CBFA2T3: variants seen among roughly 807,000 people sequenced by gnomAD.
CBFA2T3 encodes the protein transcriptional corepressor CBFA2T3.
In CBFA2T3, 31 loss-of-function variants were observed where a neutral mutation model predicts 58.6. That is an observed-to-expected ratio of 0.53 (90% CI 0.40 to 0.71). The LOEUF (loss-of-function observed/expected upper bound fraction) is 0.71. CBFA2T3 is among the 30% of genes least tolerant of loss of function. The pLI, the probability that CBFA2T3 is intolerant of heterozygous loss-of-function variation, is 0.00. For synonymous variants in CBFA2T3, 531 were observed against 421.9 expected (o/e 1.26, Z -3.17); for missense variants, 1,076 against 963.1 (o/e 1.12, Z -1.55).
intron 1 of CBFA2T3, among the ~76,000 whole-genome samples, chr16:88,943,213 G>C (rs960346819): frequency 6.6e-5 from 10 of 152,242 alleles, no homozygotes. Flanking sequence ...CGGGTTGTGA[G>C]CTAAACAATG....
At chr16:88,893,578 C>T (rs1597683061) in intron 3 of CBFA2T3, among the ~76,000 whole-genome samples, 1 of 152,204 alleles carries the variant, frequency 6.6e-6, no homozygotes, top group Non-Finnish European at 1.5e-5. Flanking sequence ...GGCGGCTGGA[C>T]ACGCAGATGC....
intron 2 of CBFA2T3, among the ~76,000 whole-genome samples, chr16:88,900,801 G>A (rs1970065229): frequency 6.6e-6 from 1 of 152,244 alleles, no homozygotes; most frequent in African/African-American, 2.4e-5. Context: ...CTCTGCGGGT[G>A]ACTGTGATGA....
chr16:88,973,750 G>T (rs1157770308), intron 1 of CBFA2T3, among the ~76,000 whole-genome samples: 3 of 152,218 alleles, frequency 2.0e-5, no homozygotes, highest in Non-Finnish European at 4.4e-5. Flanking sequence ...CAAGGGCAAG[G>T]TCGGGTAGAG....
At chr16:88,975,992 C>T (rs906156701) in intron 1 of CBFA2T3, among the ~76,000 whole-genome samples, 1 of 152,238 alleles carries the variant, frequency 6.6e-6, no homozygotes, top group African/African-American at 2.4e-5. Context: ...CACCAGCCTG[C>T]AGCTGCAGCC....
chr16:88,905,573 C>G lies in CBFA2T3; in HGVS notation c.152-3917G>C, dbSNP rs532201437. Among the ~76,000 whole-genome samples the G allele has an allele frequency of 4.2e-3, 638 of 151,546 alleles. 4 individuals are homozygous for G. Among genetic ancestry groups the G allele is most frequent in the Non-Finnish European group, 6.5e-3 (441 of 67,866 alleles). On this transcript the variant is annotated intron_variant, in intron 1 of 11. Coordinates refer to ENST00000268679, the MANE Select transcript of CBFA2T3 (RefSeq NM_005187.6). The stretch of plus-strand genomic sequence containing the variant: ...AGGAAGGCCCCCAGAGGAAATGCCT[C>G]TTTGGGTTCCCCCAGCCCCCGCTTA...
At chr16:88,911,115 T>C (rs1359014534) in intron 1 of CBFA2T3, among the ~76,000 whole-genome samples, 1 of 152,160 alleles carries the variant, frequency 6.6e-6, no homozygotes, top group Non-Finnish European at 1.5e-5. Flanking sequence ...GTCCTATTTC[T>C]CTCCCAGGCC....
chr16:88,919,459 C>G (rs979621749), intron 1 of CBFA2T3, among the ~76,000 whole-genome samples: 1 of 152,218 alleles, frequency 6.6e-6, no homozygotes, highest in African/African-American at 2.4e-5. Context: ...GGAACAAGCA[C>G]TCTATTTCTA....
chr16:88,947,635 T>G (rs1971937240), intron 1 of CBFA2T3, among the ~76,000 whole-genome samples: 1 of 152,240 alleles, frequency 6.6e-6, no homozygotes, highest in South Asian at 2.1e-4. Context: ...CAAAGTAGGC[T>G]GGGCTTGGTG....
At chr16:88,884,927 C>T (rs562261642) in intron 7 of CBFA2T3, 119 bp downstream of exon 7, 38 of 727,456 alleles carry the variant, frequency 5.2e-5, no homozygotes, top group African/African-American at 1.6e-4. Context: ...AGGGGTCTCC[C>T]GAGCTCAGGT....
At chr16:88,893,841 G>A (rs1427509141) in intron 3 of CBFA2T3, among the ~76,000 whole-genome samples, 6 of 152,152 alleles carry the variant, frequency 3.9e-5, no homozygotes, top group East Asian at 3.9e-4. Flanking sequence ...CCCCTCCTGC[G>A]CCTGGGACAC....
chr16:88,958,909 C>T lies in CBFA2T3; in HGVS notation c.151+17748G>A, dbSNP rs1162632672. Among the ~76,000 whole-genome samples, 1 of 152,158 alleles carries T rather than the reference C, an allele frequency of 6.6e-6. No individual in the cohort carries two copies. The highest frequency in any genetic ancestry group is 1.5e-5 in the Non-Finnish European group (1 of 68,014). On this transcript the variant is annotated intron_variant, in intron 1 of 11. Coordinates refer to ENST00000268679, the MANE Select transcript of CBFA2T3 (RefSeq NM_005187.6). The surrounding 1 kb of genome is among the most constrained non-coding windows in gnomAD (Gnocchi z 4.0). ...CGCCTCTGCCGCCCTTTTCCCTTTG[C>T]CTCCATGGAGCGGGCCTGAGTTCCC... is the stretch of plus-strand genomic sequence containing the variant.
At chr16:88,926,264 G>C (rs932889955) in intron 1 of CBFA2T3, among the ~76,000 whole-genome samples, 1 of 152,202 alleles carries the variant, frequency 6.6e-6, no homozygotes. Context: ...TCTGGGTTCC[G>C]TGCAGGGAGT....
At chr16:88,952,561 C>G (rs796405874) in intron 1 of CBFA2T3, among the ~76,000 whole-genome samples, 3 of 152,262 alleles carry the variant, frequency 2.0e-5, no homozygotes, top group African/African-American at 4.8e-5. Context: ...AAAGTCTCAG[C>G]TCCTGAGCCT....
In CBFA2T3 at chr16:88,875,809, A is replaced by G. The variant is rs1271353074; in HGVS notation, c.*1167T>C. 4.3e-6 allele frequency: 1 copy of G among 233,380 alleles called. No individual in the cohort carries two copies. Among genetic ancestry groups the G allele is most frequent in the African/African-American group, 2.2e-5 (1 of 45,316 alleles). The allele number at this position is 233,380 out of a possible 1,614,324, so 14.5% of individuals were successfully genotyped here. A position where few individuals can be genotyped will look rare whatever the true frequency, so the allele number is the denominator to read the frequency against. ...CTCTCTCTGGGAAGAAAACTTTAGC[A>G]CTTTTTTTCCACAAGTGGAAAACGG... On this transcript the variant is annotated 3_prime_UTR_variant, in exon 12 of 12. Coordinates refer to ENST00000268679, the MANE Select transcript of CBFA2T3 (RefSeq NM_005187.6).
chr16:88,929,578 A>ACG (rs1360970622), intron 1 of CBFA2T3, among the ~76,000 whole-genome samples: 1 of 152,182 alleles, frequency 6.6e-6, no homozygotes, highest in Non-Finnish European at 1.5e-5. Flanking sequence ...ACCAATACCC[A>ACG]CATCTGCATC....
chr16:88,905,993 C>T (rs1436920407), intron 1 of CBFA2T3, among the ~76,000 whole-genome samples: 4 of 151,378 alleles, frequency 2.6e-5, no homozygotes, highest in African/African-American at 4.9e-5. Context: ...CTGGCTTCCT[C>T]GGGCAAGCCA....
In CBFA2T3 at chr16:88,881,368, T is replaced by G. The variant is rs755529310; in HGVS notation, c.1325A>C (p.Glu442Ala). Residue 442 changes from glutamate to alanine, a missense_variant, in exon 9 of 12, where the codon GAG (glutamate) becomes GCG (alanine). Transcript: ENST00000268679. ...NHWARRYSDA[E>A]DTKKGPAPAA... is the part of the protein sequence containing the mutation. ...GGGAGCGGGGCCCTTCTTTGTGTCC[T>G]CGGCGTCGCTGTAGCGCCGCGCCCA... The G allele has an allele frequency of 6.3e-7, 1 of 1,588,106 alleles. No individual in the cohort carries two copies. Among genetic ancestry groups the G allele is most frequent in the South Asian group, 1.1e-5 (1 of 88,864 alleles).
chr16:88,897,301 A>G (rs536005543), intron 3 of CBFA2T3, among the ~76,000 whole-genome samples: 5 of 152,378 alleles, frequency 3.3e-5, no homozygotes, highest in Admixed American at 3.3e-4. Context: ...AACAACGCAC[A>G]GTTGTTCTGC....
chr16:88,894,179 G>A lies in CBFA2T3; in HGVS notation c.380-1694C>T, dbSNP rs1206460250. Among the ~76,000 whole-genome samples the A allele has an allele frequency of 6.9e-5, 10 of 145,872 alleles. 1 individual carries two copies. Among genetic ancestry groups the A allele is most frequent in the Non-Finnish European group, 1.5e-4 (10 of 65,288 alleles). On this transcript the variant is annotated intron_variant, in intron 3 of 11. Coordinates refer to ENST00000268679, the MANE Select transcript of CBFA2T3 (RefSeq NM_005187.6). ...TGCACGCACACATGCACACACACATGCATACATATACACATGCACACAATG... is the reference window on the plus strand; with the variant it reads ...TGCACGCACACATGCACACACACATACATACATATACACATGCACACAATG...
Sources: gnomAD v4.1 joint callset for allele counts (sites outside exome capture counted in the v4.1 genomes callset) on GRCh38, gnomAD v4.1.1 for gene constraint, Gnocchi (gnomAD v3.1) non-coding constraint, MANE v1.5 for transcripts, NCBI Gene and HGNC (gene_info 2026-07-23, HGNC 2026-07-21) for gene names.